Variants in GALNTL6 observed in about 807,000 individuals in gnomAD.
The protein encoded by GALNTL6 is polypeptide N-acetylgalactosaminyltransferase like 6.
A neutral mutation model predicts 73.7 loss-of-function variants in GALNTL6; 46 were observed. The ratio of observed to expected loss-of-function variants is 0.62; its 90% CI spans 0.49 to 0.80. The LOEUF (loss-of-function observed/expected upper bound fraction) is 0.80. GALNTL6 is among the 30% of genes least tolerant of loss of function. GALNTL6 has a pLI of 0.00. For missense variants in GALNTL6, 604 were observed against 755.0 expected, an observed-to-expected ratio of 0.80 and a Z score of 2.34; for synonymous variants, 259 against 263.7, an observed-to-expected ratio of 0.98 and a Z score of 0.17.
chr4:172,545,640 CCT>C (rs1289629658), intron 5 of GALNTL6: 1 of 152,206 alleles, frequency 6.6e-6, no homozygotes, highest in Non-Finnish European at 1.5e-5. Flanking sequence ...GTTTATTTCC[CCT>C]GTTTAGTTTA....
chr4:172,401,150 G>C (rs1744021509), intron 5 of GALNTL6, among the ~76,000 whole-genome samples: 1 of 151,888 alleles, frequency 6.6e-6, no homozygotes, highest in Non-Finnish European at 1.5e-5. Flanking sequence ...CATTTGTGTT[G>C]TTTCTATTAC....
chr4:172,870,715 G>A (rs967599836), intron 7 of GALNTL6, among the ~76,000 whole-genome samples: 40 of 152,114 alleles, frequency 2.6e-4, no homozygotes, highest in Non-Finnish European at 1.8e-4. Context: ...AGTTCAGACC[G>A]GCCTAGGACA....
rs374627626 is a variant in GALNTL6 at position 171,814,590 on chromosome 4, A to C, written c.10A>C (p.Lys4Gln). The change falls in exon 2 of 13, where the codon AAA (lysine) becomes CAA (glutamine). Residue 4 changes from lysine to glutamine, a missense_variant. By Grantham distance (53) the Lys-to-Gln change is moderately conservative. Transcript: ENST00000506823. Reference protein sequence around the residue: MKRKQKRFLQMTLL... With the variant: MKRQQKRFLQMTLL... ...TCTGTTACCATTTGCAATGAAGAGG[A>C]AACAGAAGAGATTTCTGCAGATGAC... 4.3e-6 allele frequency: 7 copies of C among 1,614,132 alleles called. No homozygotes were observed. Among genetic ancestry groups the C allele is most frequent in the Non-Finnish European group, 5.9e-6 (7 of 1,179,998 alleles).
intron 10 of GALNTL6, among the ~76,000 whole-genome samples, chr4:172,970,981 T>C (rs1750554903): frequency 6.6e-6 from 1 of 152,222 alleles, no homozygotes; most frequent in African/African-American, 2.4e-5. Context: ...AAAGTATTAA[T>C]GTGGGGAGCT....
chr4:172,217,751 T>A (rs1236396276), intron 2 of GALNTL6, among the ~76,000 whole-genome samples: 2 of 152,194 alleles, frequency 1.3e-5, no homozygotes, highest in Non-Finnish European at 2.9e-5. Context: ...TTTTGTCCTA[T>A]ATGAATATAG....
chr4:172,513,510 A>C (rs1457496396), intron 5 of GALNTL6, among the ~76,000 whole-genome samples: 1 of 152,110 alleles, frequency 6.6e-6, no homozygotes, highest in East Asian at 1.9e-4. Context: ...TCATATTATC[A>C]GAATTGTTTT....
intron 5 of GALNTL6, among the ~76,000 whole-genome samples, chr4:172,638,314 GT>G (rs765239046): frequency 3.9e-5 from 6 of 152,242 alleles, no homozygotes; most frequent in East Asian, 3.9e-4. Flanking sequence ...GGTCAAAATA[GT>G]TTACTTCTGT....
chr4:172,322,228 A>C (rs916330853), intron 4 of GALNTL6, among the ~76,000 whole-genome samples: 5 of 152,180 alleles, frequency 3.3e-5, no homozygotes. Flanking sequence ...GCCGTCTTCT[A>C]TGCGTAGTTC....
chr4:172,999,136 A>G (rs1751928002), intron 10 of GALNTL6, among the ~76,000 whole-genome samples: 1 of 152,198 alleles, frequency 6.6e-6, no homozygotes, highest in Admixed American at 6.5e-5. Context: ...AGAACTCTCC[A>G]ACTTTTCCCA....
intron 2 of GALNTL6, among the ~76,000 whole-genome samples, chr4:172,085,039 C>T (rs113571028): frequency 0.066 from 9,953 of 151,844 alleles, 1,034 homozygotes; most frequent in African/African-American, 0.22. Flanking sequence ...TAAGGTATTT[C>T]TATTAGAAAA....
At position 171,883,734 on chromosome 4, in the gene GALNTL6, G is replaced by A. The variant is rs28684448; in HGVS notation, c.138+69016G>A. 3.3e-5 allele frequency among the ~76,000 whole-genome samples: 5 copies of A among 151,310 alleles called. No individual in the cohort carries two copies. In the East Asian group the frequency reaches 5.9e-4, roughly 18 times the overall value. On this transcript the variant is annotated intron_variant, in intron 2 of 12. Transcript: ENST00000506823. ...GCTATCTCAGCTCACTGCAAGCTCC[G>A]CCTCCCGGGTTCACGCCATTCTCCT...
chr4:172,722,555 T>C (rs1270851807), intron 5 of GALNTL6, among the ~76,000 whole-genome samples: 2 of 152,122 alleles, frequency 1.3e-5, no homozygotes, highest in Non-Finnish European at 2.9e-5. Flanking sequence ...AGGAACATTT[T>C]GATTTTTTAA....
intron 2 of GALNTL6, among the ~76,000 whole-genome samples, chr4:171,990,372 G>T (rs1257642902): frequency 6.6e-6 from 1 of 151,506 alleles, no homozygotes; most frequent in Non-Finnish European, 1.5e-5. Flanking sequence ...AAACTCAAGA[G>T]AAAGAAATTG....
intron 3 of GALNTL6, among the ~76,000 whole-genome samples, chr4:172,242,782 A>T (rs995097997): frequency 1.3e-5 from 2 of 152,194 alleles, no homozygotes; most frequent in Non-Finnish European, 2.9e-5. Context: ...AAAAATAACT[A>T]TAGTGGTTCT....
At chr4:172,116,188 G>A (rs1329035786) in intron 2 of GALNTL6, among the ~76,000 whole-genome samples, 1 of 151,904 alleles carries the variant, frequency 6.6e-6, no homozygotes, top group Non-Finnish European at 1.5e-5. Context: ...TATATTCCGT[G>A]AATTTTTAGG....
chr4:172,227,465 C>T (rs938069247), intron 2 of GALNTL6, among the ~76,000 whole-genome samples: 2 of 152,156 alleles, frequency 1.3e-5, no homozygotes, highest in Admixed American at 1.3e-4. Flanking sequence ...GGATGGCCCT[C>T]AGAAATCACT....
chr4:172,084,523 A>G (rs1731970355), intron 2 of GALNTL6, among the ~76,000 whole-genome samples: 1 of 152,208 alleles, frequency 6.6e-6, no homozygotes, highest in African/African-American at 2.4e-5. Context: ...ATATTTGTAC[A>G]GTGCAATGGT....
At chr4:173,004,124 G>C (rs1439396351) in intron 10 of GALNTL6, among the ~76,000 whole-genome samples, 2 of 151,972 alleles carry the variant, frequency 1.3e-5, no homozygotes, top group Non-Finnish European at 2.9e-5. Context: ...GTGGCAAGCT[G>C]TGTGAGCTGT....
chr4:172,284,504 C>T (rs940504297), intron 3 of GALNTL6, among the ~76,000 whole-genome samples: 1 of 151,994 alleles, frequency 6.6e-6, no homozygotes, highest in Non-Finnish European at 1.5e-5. Context: ...ATCCCATTTA[C>T]CCACTGTTGT....
Sources: allele counts gnomAD v4.1 joint callset (sites outside exome capture counted in the v4.1 genomes callset), GRCh38; gene constraint gnomAD v4.1.1; transcripts MANE v1.5; gene names NCBI Gene and HGNC (gene_info 2026-07-23, HGNC 2026-07-21).